VSNL1: variants seen among roughly 807,000 people sequenced by gnomAD.
The protein encoded by VSNL1 is visinin-like protein 1.
In VSNL1, 6 loss-of-function variants were observed where a neutral mutation model predicts 20.4. The ratio of observed to expected loss-of-function variants is 0.29; its 90% CI spans 0.16 to 0.58. The LOEUF is 0.58. VSNL1 is among the 20% of genes least tolerant of loss of function. The pLI, the probability that VSNL1 is intolerant of heterozygous loss-of-function variation, is 0.90. For synonymous variants in VSNL1, 93 were observed against 86.4 expected, an observed-to-expected ratio of 1.08 and a Z score of -0.42; for missense variants, 100 against 234.5, an observed-to-expected ratio of 0.43 and a Z score of 3.75.
chr2:17,548,055 G>A (rs187695266), intron 1 of VSNL1, among the ~76,000 whole-genome samples: 4 of 151,766 alleles, frequency 2.6e-5, no homozygotes, highest in Admixed American at 6.6e-5. Context: ...AACCCATTTC[G>A]CGACTAATCA....
At chr2:17,651,631 T>C (rs1240590419) in intron 3 of VSNL1, among the ~76,000 whole-genome samples, 1 of 152,250 alleles carries the variant, frequency 6.6e-6, no homozygotes, top group East Asian at 1.9e-4. Context: ...CTGTGAGGGC[T>C]GGGCCAGCTC....
intron 1 of VSNL1, among the ~76,000 whole-genome samples, chr2:17,563,719 ACT>A (rs1408199318): frequency 6.6e-6 from 1 of 151,828 alleles, no homozygotes; most frequent in Non-Finnish European, 1.5e-5. Flanking sequence ...ACAGAGTGAG[ACT>A]CTGTCTCAAA....
chr2:17,570,982 C>T (rs368873636), intron 1 of VSNL1, among the ~76,000 whole-genome samples: 5 of 151,858 alleles, frequency 3.3e-5, no homozygotes, highest in Non-Finnish European at 5.9e-5. Context: ...GCCGAGATTG[C>T]GCCACTGCAC....
At chr2:17,599,175 A>G (rs766577940) in intron 2 of VSNL1, among the ~76,000 whole-genome samples, 12 of 152,202 alleles carry the variant, frequency 7.9e-5, no homozygotes, top group Non-Finnish European at 1.3e-4. Context: ...GTAAAAAAAT[A>G]CATATATGAA....
Position 17,649,284 on chromosome 2 carries a change from C to T in VSNL1, c.163-126C>T, listed in dbSNP as rs778407203. 1 of 905,496 alleles carries T rather than the reference C, an allele frequency of 1.1e-6. No individual in the cohort carries two copies. The allele number at this position is 905,496 out of a possible 1,614,324, so 56.1% of individuals were successfully genotyped here. On this transcript the variant is annotated intron_variant, in intron 2 of 3. Transcript: ENST00000295156. This position sits in a 1 kb window ranked among gnomAD's most constrained non-coding sequence, Gnocchi z 6.4. ...CCTTGCCCTTGACAGTCAGGCCAAA[C>T]TGCTCTCCAATGGGTGAGGCTCCGA...
intron 1 of VSNL1, among the ~76,000 whole-genome samples, chr2:17,555,377 A>T (rs1319756856): frequency 1.3e-5 from 2 of 152,174 alleles, no homozygotes; most frequent in Non-Finnish European, 2.9e-5. Context: ...CAGAAAAGAG[A>T]GCCAAGTCTA....
chr2:17,622,254 G>A (rs1035169683), intron 2 of VSNL1, among the ~76,000 whole-genome samples: 9 of 150,416 alleles, frequency 6.0e-5, no homozygotes, highest in African/African-American at 9.8e-5. Flanking sequence ...TGCCTCACGC[G>A]TGTAATCCCA....
intron 1 of VSNL1, among the ~76,000 whole-genome samples, chr2:17,586,691 G>A (rs1222875531): frequency 2.0e-5 from 3 of 152,202 alleles, no homozygotes; most frequent in East Asian, 1.9e-4. Flanking sequence ...ACTTAGTTGT[G>A]CAGAGAGTTT....
chr2:17,598,813 A>G (rs1664766637), intron 2 of VSNL1, among the ~76,000 whole-genome samples: 1 of 152,250 alleles, frequency 6.6e-6, no homozygotes. Flanking sequence ...TGGCACTAAG[A>G]CAAATGCAGC....
intron 1 of VSNL1, among the ~76,000 whole-genome samples, chr2:17,564,840 C>T (rs1341801561): frequency 6.6e-6 from 1 of 152,076 alleles, no homozygotes; most frequent in Non-Finnish European, 1.5e-5. Context: ...TTGAAAGTAT[C>T]GCAGATGCAA....
At chr2:17,560,315 G>A (rs1663784025) in intron 1 of VSNL1, among the ~76,000 whole-genome samples, 1 of 151,806 alleles carries the variant, frequency 6.6e-6, no homozygotes, top group African/African-American at 2.4e-5. Context: ...GCATTCTCAA[G>A]ATTAGAGGTA....
At chr2:17,653,054 G>C (rs1033569504) in intron 3 of VSNL1, among the ~76,000 whole-genome samples, 5 of 152,158 alleles carry the variant, frequency 3.3e-5, no homozygotes, top group African/African-American at 1.2e-4. Flanking sequence ...TTTTTATCCA[G>C]TTTTCTAGTT....
chr2:17,562,206 G>T (rs1288482196), intron 1 of VSNL1, among the ~76,000 whole-genome samples: 1 of 152,132 alleles, frequency 6.6e-6, no homozygotes, highest in Non-Finnish European at 1.5e-5. Context: ...TATAAATTTA[G>T]AAATGTTAAA....
At chr2:17,633,145 G>C (rs984386414) in intron 2 of VSNL1, among the ~76,000 whole-genome samples, 1 of 152,104 alleles carries the variant, frequency 6.6e-6, no homozygotes, top group Non-Finnish European at 1.5e-5. Context: ...CATGGCATCA[G>C]GTGAGAGAGC....
chr2:17,577,280 A>G (rs558749426), intron 1 of VSNL1, among the ~76,000 whole-genome samples: 1 of 152,270 alleles, frequency 6.6e-6, no homozygotes, highest in African/African-American at 2.4e-5. Context: ...AGTTTCTGAT[A>G]GTTTTCTTTG....
At chr2:17,594,733 A>AG (rs34604405) in intron 2 of VSNL1, among the ~76,000 whole-genome samples, 1 of 152,090 alleles carries the variant, frequency 6.6e-6, no homozygotes, top group African/African-American at 2.4e-5. Flanking sequence ...TTCCCTTTCC[A>AG]GGAGGAAGTC....
At chr2:17,616,350 G>T (rs1051283222) in intron 2 of VSNL1, among the ~76,000 whole-genome samples, 1 of 152,252 alleles carries the variant, frequency 6.6e-6, no homozygotes, top group African/African-American at 2.4e-5. Context: ...CCAGCTCTGT[G>T]GCTCCTGTCG....
At chr2:17,579,169 G>T (rs1418493975) in intron 1 of VSNL1, among the ~76,000 whole-genome samples, 1 of 151,434 alleles carries the variant, frequency 6.6e-6, no homozygotes, top group Non-Finnish European at 1.5e-5. Flanking sequence ...AAGCTGGAGT[G>T]CAGTGGTGCA....
At chr2:17,650,988 T>C (rs1016522216) in intron 3 of VSNL1, among the ~76,000 whole-genome samples, 1 of 152,242 alleles carries the variant, frequency 6.6e-6, no homozygotes, top group Non-Finnish European at 1.5e-5. Context: ...AGCACAATAA[T>C]TCTGAACATG....
Sources: allele counts gnomAD v4.1 joint callset (sites outside exome capture counted in the v4.1 genomes callset), GRCh38; gene constraint gnomAD v4.1.1; non-coding constraint Gnocchi (gnomAD v3.1); transcripts MANE v1.5; gene names NCBI Gene and HGNC (gene_info 2026-07-23, HGNC 2026-07-21).